RBM41: variants seen among roughly 807,000 people sequenced by gnomAD.
RBM41 encodes the protein RNA binding motif protein 41.
Under a neutral mutation model 30.8 loss-of-function variants are expected in RBM41, and 14 were observed. The ratio of observed to expected loss-of-function variants is 0.45; its 90% CI spans 0.30 to 0.71. The LOEUF is 0.71. Ranked by LOEUF, RBM41 falls within the 30% of genes least tolerant of loss-of-function variation. The probability of loss-of-function intolerance (pLI) is 0.08; values close to 1 mark genes in which losing one functional copy is unlikely to be tolerated. For missense variants in RBM41, 276 were observed against 326.3 expected, an observed-to-expected ratio of 0.85 and a Z score of 1.19; for synonymous variants, 120 against 110.1, an observed-to-expected ratio of 1.09 and a Z score of -0.56.
chrX:107,116,338 G>T (rs1264448095), intron 2 of RBM41: 1 of 797,668 alleles, frequency 1.3e-6, no homozygotes. Context: ...GATAAAAATG[G>T]CTCCTGCTTT....
intron 6 of RBM41, among the ~76,000 whole-genome samples, chrX:107,082,721 T>A (rs1278763516): frequency 9.0e-6 from 1 of 111,226 alleles, no homozygotes; most frequent in Admixed American, 9.6e-5. Flanking sequence ...GAGTTTGCAA[T>A]ATACATTTAC....
At chrX:107,059,260 T>A (rs771067532), downstream of RBM41, among the ~76,000 whole-genome samples, 5 of 109,948 alleles carry the variant, frequency 4.5e-5, no homozygotes, top group Non-Finnish European at 9.5e-5. Flanking sequence ...GGAGTCACAT[T>A]CAGTCTATAA....
chrX:107,053,013 G>A, the RBM41 span, among the ~76,000 whole-genome samples: 1 of 112,116 alleles, frequency 8.9e-6, no homozygotes, highest in South Asian at 3.8e-4. Flanking sequence ...CTGCTGCTAG[G>A]GAGTTAAGTT....
At chrX:107,105,000 G>A (rs1923822701) in intron 5 of RBM41, among the ~76,000 whole-genome samples, 2 of 110,240 alleles carry the variant, frequency 1.8e-5, no homozygotes, top group South Asian at 4.0e-4. Context: ...TCAACATAGT[G>A]TTGGAAGTTC....
intron 6 of RBM41, chrX:107,070,491 G>C (rs762780527): frequency 5.4e-5 from 14 of 257,818 alleles, no homozygotes; most frequent in Non-Finnish European, 1.0e-4. Flanking sequence ...GACCCAGCCA[G>C]ACCACTTTAA....
At chrX:107,052,642 A>G in the RBM41 span, among the ~76,000 whole-genome samples, 1 of 111,767 alleles carries the variant, frequency 8.9e-6, no homozygotes, top group Non-Finnish European at 1.9e-5. Flanking sequence ...GATTTTAGTC[A>G]TGGACTGCAT....
At chrX:107,087,838 G>A (rs1031849388) in intron 6 of RBM41, among the ~76,000 whole-genome samples, 4 of 112,189 alleles carry the variant, frequency 3.6e-5, no homozygotes, top group Non-Finnish European at 5.6e-5. Flanking sequence ...TCCTGACCTC[G>A]TGATCCGCCT....
intron 5 of RBM41, among the ~76,000 whole-genome samples, chrX:107,096,873 C>T (rs1267998786): frequency 8.9e-6 from 1 of 111,902 alleles, no homozygotes; most frequent in Non-Finnish European, 1.9e-5. Context: ...ATAAAGAATT[C>T]TTATACTCAG....
At chrX:107,106,618 G>C (rs1189045075) in intron 5 of RBM41, among the ~76,000 whole-genome samples, 9 of 111,136 alleles carry the variant, frequency 8.1e-5, no homozygotes, top group African/African-American at 2.6e-4. Context: ...TGGAACTAAT[G>C]CAAATGTCCA....
intron 5 of RBM41, among the ~76,000 whole-genome samples, chrX:107,098,862 G>A (rs891604995): frequency 4.5e-5 from 5 of 110,274 alleles, no homozygotes; most frequent in South Asian, 4.0e-4. Context: ...TTAGCTGGCC[G>A]TGGTGGCGCA....
intron 6 of RBM41, among the ~76,000 whole-genome samples, chrX:107,083,587 T>A (rs555878467): frequency 2.7e-5 from 3 of 111,737 alleles, no homozygotes; most frequent in African/African-American, 9.7e-5. Context: ...GTTCCTTTTT[T>A]TCAGTCTTTT....
chrX:107,080,111 C>T (rs1035660589), intron 6 of RBM41, among the ~76,000 whole-genome samples: 7 of 111,279 alleles, frequency 6.3e-5, no homozygotes, highest in African/African-American at 2.3e-4. Context: ...TTGTTGAACA[C>T]AGGCTTTTCA....
At chrX:107,075,744 G>T (rs754973496) in intron 6 of RBM41, among the ~76,000 whole-genome samples, 3 of 111,790 alleles carry the variant, frequency 2.7e-5, no homozygotes, top group Non-Finnish European at 5.6e-5. Context: ...ATGTTGGCAA[G>T]GATATGAAGA....
chrX:107,101,694 G>A (rs1442295809), intron 5 of RBM41, among the ~76,000 whole-genome samples: 1 of 112,147 alleles, frequency 8.9e-6, no homozygotes, highest in Non-Finnish European at 1.9e-5. Context: ...ACAACTGTGA[G>A]GGAATAACTT....
intron 5 of RBM41, among the ~76,000 whole-genome samples, chrX:107,110,249 C>G (rs189812796): frequency 9.0e-6 from 1 of 110,998 alleles, no homozygotes; most frequent in African/African-American, 3.3e-5. Flanking sequence ...AACTATATAA[C>G]TATCAGAAGA....
At chrX:107,103,319 A>G (rs1224739979) in intron 5 of RBM41, among the ~76,000 whole-genome samples, 1 of 111,109 alleles carries the variant, frequency 9.0e-6, no homozygotes, top group Non-Finnish European at 1.9e-5. Context: ...AAATCCAATG[A>G]CTGATATCCT....
intron 5 of RBM41, among the ~76,000 whole-genome samples, chrX:107,097,938 C>T (rs1160875390): frequency 1.8e-5 from 2 of 110,990 alleles, no homozygotes; most frequent in East Asian, 2.8e-4. Flanking sequence ...AATTTTGCCC[C>T]GGGTGATGGA....
intron 5 of RBM41, among the ~76,000 whole-genome samples, chrX:107,093,397 G>A (rs1260079883): frequency 8.9e-6 from 1 of 111,843 alleles, no homozygotes; most frequent in Non-Finnish European, 1.9e-5. Flanking sequence ...AGTATGTTCT[G>A]TAACCACAAT....
At chrX:107,070,537 C>A in intron 6 of RBM41, 1 of 234,106 alleles carries the variant, frequency 4.3e-6, no homozygotes, top group Non-Finnish European at 7.9e-6. Flanking sequence ...CATTTGTGTG[C>A]TCAGAGATTC....
Sources: allele counts gnomAD v4.1 joint callset (sites outside exome capture counted in the v4.1 genomes callset), GRCh38; gene constraint gnomAD v4.1.1; transcripts MANE v1.5; gene names NCBI Gene and HGNC (gene_info 2026-07-23, HGNC 2026-07-21).